Variants in PRPSAP1 observed in about 807,000 individuals in gnomAD.
PRPSAP1 encodes the protein phosphoribosyl pyrophosphate synthase-associated protein 1.
PRPSAP1 carries 31 observed loss-of-function variants against 39.4 expected under a neutral mutation model. The ratio of observed to expected loss-of-function variants is 0.79; its 90% CI spans 0.59 to 1.06. The LOEUF is 1.06. Ranked by LOEUF, PRPSAP1 falls within the 50% of genes least tolerant of loss-of-function variation. PRPSAP1 has a pLI of 0.00. For synonymous variants in PRPSAP1, 212 were observed against 192.6 expected (o/e 1.10, Z -0.83); for missense variants, 430 against 511.6 (o/e 0.84, Z 1.54).
At chr17:76,320,133 G>C (rs2071173577) in intron 7 of PRPSAP1, among the ~76,000 whole-genome samples, 1 of 151,976 alleles carries the variant, frequency 6.6e-6, no homozygotes, top group African/African-American at 2.4e-5. Flanking sequence ...AGCCGGGTGT[G>C]GTGGTGCATG....
At chr17:76,334,138 T>C (rs1284679620) in intron 3 of PRPSAP1, among the ~76,000 whole-genome samples, 2 of 152,202 alleles carry the variant, frequency 1.3e-5, no homozygotes, top group African/African-American at 4.8e-5. Context: ...AGCTTCCTCC[T>C]GCTCTTCCTG....
chr17:76,328,867 A>G lies in PRPSAP1; in HGVS notation c.636-5T>C, dbSNP rs775271432. 2 of 1,605,718 alleles carry G rather than the reference A, an allele frequency of 1.2e-6. No homozygotes were observed. Among genetic ancestry groups the G allele is most frequent in the South Asian group, 2.2e-5 (2 of 89,862 alleles). ...CTCTCCGCATAGGACTGGGCCCTAG[A>G]AGGACAAAGGGAAATGGTGAAACTG... On this transcript the variant is annotated splice_polypyrimidine_tract_variant and splice_region_variant and intron_variant, in intron 6 of 9. Transcript: ENST00000446526.
upstream of PRPSAP1, chr17:76,354,050 C>T (rs922587364): frequency 2.7e-6 from 3 of 1,096,800 alleles, no homozygotes; most frequent in African/African-American, 5.0e-5. Flanking sequence ...CAGGTTCGCC[C>T]CGCCCCTGCT....
chr17:76,319,828 C>A (rs912814825), intron 7 of PRPSAP1, among the ~76,000 whole-genome samples: 3 of 152,132 alleles, frequency 2.0e-5, no homozygotes, highest in Admixed American at 6.5e-5. Context: ...TGGCCAAGTA[C>A]AGTGCTAAGA....
At chr17:76,326,543 G>A (rs1567801794) in intron 7 of PRPSAP1, among the ~76,000 whole-genome samples, 1 of 152,124 alleles carries the variant, frequency 6.6e-6, no homozygotes, top group Non-Finnish European at 1.5e-5. Context: ...ATCTAATCCT[G>A]AGGACACAAA....
chr17:76,312,752 C>G (rs1427864663), intron 9 of PRPSAP1, 118 bp downstream of exon 9: 31 of 1,340,710 alleles, frequency 2.3e-5, no homozygotes, highest in Non-Finnish European at 3.0e-5. Flanking sequence ...GAACTGCTAG[C>G]CAGCAAAAGC....
intron 3 of PRPSAP1, among the ~76,000 whole-genome samples, chr17:76,342,479 T>G (rs1202556330): frequency 7.2e-5 from 11 of 152,082 alleles, no homozygotes; most frequent in African/African-American, 2.7e-4. Context: ...TTTGGGAGGC[T>G]GAGGCGGGTG....
At chr17:76,339,550 G>C (rs1013342709) in intron 3 of PRPSAP1, among the ~76,000 whole-genome samples, 5 of 151,752 alleles carry the variant, frequency 3.3e-5, no homozygotes, top group Admixed American at 2.6e-4. Context: ...TTAAGAGACA[G>C]AGAAAATGCC....
intron 3 of PRPSAP1, among the ~76,000 whole-genome samples, chr17:76,339,548 C>T (rs894966653): frequency 6.6e-6 from 1 of 151,750 alleles, no homozygotes; most frequent in Non-Finnish European, 1.5e-5. Flanking sequence ...GCTTAAGAGA[C>T]AGAGAAAATG....
intron 1 of PRPSAP1, 38 bp downstream of exon 1, chr17:76,353,493 GCGC>G: frequency 1.4e-6 from 2 of 1,461,690 alleles, no homozygotes; most frequent in South Asian, 1.3e-5. Flanking sequence ...GGAGAGCTAG[GCGC>G]CGCCGCCCCC....
chr17:76,317,370 A>C (rs2143458215), intron 7 of PRPSAP1, among the ~76,000 whole-genome samples: 1 of 151,812 alleles, frequency 6.6e-6, no homozygotes, highest in East Asian at 1.9e-4. Flanking sequence ...GAAAAAAAAA[A>C]ATCAACAGTC....
Position 76,311,754 on chromosome 17 carries a change from C to A in PRPSAP1, c.1000-54G>T, listed in dbSNP as rs2071073351. 7 of 1,560,786 alleles carry A rather than the reference C, an allele frequency of 4.5e-6. No homozygotes were observed. In the South Asian group the frequency reaches 8.4e-5, roughly 19 times the overall value. ...CTGTTACTGAAGTCTGTTCTCCAAG[C>A]TGGTTACACAGAAAAGCTTATCTAA... On this transcript the variant is annotated intron_variant, in intron 9 of 9. Coordinates refer to ENST00000446526, the MANE Select transcript of PRPSAP1 (RefSeq NM_002766.3).
chr17:76,323,735 A>G (rs555417385), intron 7 of PRPSAP1, among the ~76,000 whole-genome samples: 19 of 152,074 alleles, frequency 1.2e-4, no homozygotes, highest in Non-Finnish European at 2.4e-4. Flanking sequence ...TTTGAGATGA[A>G]TCTACTGCTG....
intron 2 of PRPSAP1, among the ~76,000 whole-genome samples, chr17:76,348,239 G>A (rs1218537383): frequency 2.0e-5 from 3 of 151,980 alleles, no homozygotes; most frequent in South Asian, 2.1e-4. Context: ...TTGGGAGGCC[G>A]AGGCAATAGG....
At chr17:76,337,448 A>C (rs540554) in intron 3 of PRPSAP1, 75 of 151,940 alleles carry the variant, frequency 4.9e-4, no homozygotes, top group South Asian at 1.9e-3. Flanking sequence ...CAACAACAAC[A>C]AACTAACCTG....
chr17:76,316,265 C>T lies in PRPSAP1; in HGVS notation c.782-2374G>A, dbSNP rs1027265780. 3.3e-5 allele frequency among the ~76,000 whole-genome samples: 5 copies of T among 151,206 alleles called. No individual in the cohort carries two copies. In the East Asian group the frequency reaches 7.7e-4, roughly 23 times the overall value. Reference sequence around the variant, plus strand: ...ATGGAAATTCAGCTCTAGTTTGATGCGGAAAACATCACAGTATATTTGTTT... The same window carrying T: ...ATGGAAATTCAGCTCTAGTTTGATGTGGAAAACATCACAGTATATTTGTTT... On this transcript the variant is annotated intron_variant, in intron 7 of 9. Coordinates refer to ENST00000446526, the MANE Select transcript of PRPSAP1 (RefSeq NM_002766.3).
At chr17:76,328,605 T>C (rs548920297) in intron 7 of PRPSAP1, 112 bp downstream of exon 7, 1 of 1,363,488 alleles carries the variant, frequency 7.3e-7, no homozygotes, top group African/African-American at 1.5e-5. Flanking sequence ...TGAGACTCCA[T>C]CTCAAAAACA....
chr17:76,345,151 C>T (rs112424498), intron 2 of PRPSAP1, among the ~76,000 whole-genome samples: 1,804 of 148,268 alleles, frequency 0.012, 49 homozygotes, highest in African/African-American at 0.043. Context: ...AGGAGAATGG[C>T]GTGAACCTGG....
At position 76,310,134 on chromosome 17, in the gene PRPSAP1, C is replaced by CATAAGACACGATCCCTGGCCT. The variant is rs2071054909; in HGVS notation, c.*1407_*1408insAGGCCAGGGATCGTGTCTTAT. 1 of 151,828 alleles carries CATAAGACACGATCCCTGGCCT rather than the reference C, an allele frequency of 6.6e-6. No individual in the cohort carries two copies. The highest frequency in any genetic ancestry group is 2.4e-5 in the African/African-American group (1 of 41,284). The allele number at this position is 151,828 out of a possible 1,614,324, so 9.4% of individuals were successfully genotyped here. On this transcript the variant is annotated 3_prime_UTR_variant, in exon 10 of 10. Transcript: ENST00000446526. ...CCTCCCGAGTAGCTGGGATTACAGG[C>CATAAGACACGATCCCTGGCCT]GTGCACCCCCTCCCCCAACACCCGG...
Sources: allele counts gnomAD v4.1 joint callset (sites outside exome capture counted in the v4.1 genomes callset), GRCh38; gene constraint gnomAD v4.1.1; transcripts MANE v1.5; gene names NCBI Gene and HGNC (gene_info 2026-07-23, HGNC 2026-07-21).